DENND4A: variants seen among roughly 807,000 people sequenced by gnomAD.
The protein encoded by DENND4A is DENN domain containing 4A.
In DENND4A, 70 loss-of-function variants were observed where a neutral mutation model predicts 199.3. The observed-to-expected ratio is 0.35, with a 90% CI of 0.29 to 0.43. DENND4A has a LOEUF of 0.43. Ranked by LOEUF, DENND4A falls within the 20% of genes least tolerant of loss-of-function variation. The pLI is 1.00. For synonymous variants in DENND4A, 686 were observed against 766.9 expected, an observed-to-expected ratio of 0.89 and a Z score of 1.74; for missense variants, 1,723 against 2,255.8, an observed-to-expected ratio of 0.76 and a Z score of 4.78.
At chr15:65,721,291 T>A (rs1333655243) in intron 12 of DENND4A, among the ~76,000 whole-genome samples, 2 of 152,000 alleles carry the variant, frequency 1.3e-5, no homozygotes, top group Admixed American at 1.3e-4. Context: ...AATATCCCAA[T>A]ACTTATGAGC....
intron 24 of DENND4A, 113 bp downstream of exon 24, chr15:65,676,332 A>G: frequency 6.1e-6 from 6 of 986,510 alleles, no homozygotes; most frequent in Non-Finnish European, 8.4e-6. Flanking sequence ...GAACTATACA[A>G]ATTGTTTACA....
chr15:65,691,988 A>C (rs2076987915), intron 22 of DENND4A, among the ~76,000 whole-genome samples: 1 of 138,484 alleles, frequency 7.2e-6, no homozygotes. Context: ...AATTTGCTAG[A>C]CACAGGATCT....
intron 14 of DENND4A, among the ~76,000 whole-genome samples, 191 bp from the exon 15 acceptor site, chr15:65,706,415 A>G (rs1052098602): frequency 4.0e-5 from 6 of 151,278 alleles, no homozygotes; most frequent in Admixed American, 6.6e-5. Context: ...TGTAAATAGT[A>G]TATTACCTTT....
At chr15:65,720,947 T>TATTATATATATATATATATA (rs1555425654) in intron 12 of DENND4A, among the ~76,000 whole-genome samples, 42 of 76,200 alleles carry the variant, frequency 5.5e-4, no homozygotes, top group Non-Finnish European at 9.4e-4. Context: ...GTTTCATTGA[T>TATTATATATATATATATATA]TATATATATA....
intron 14 of DENND4A, among the ~76,000 whole-genome samples, chr15:65,714,254 A>G (rs898880944): frequency 6.6e-6 from 1 of 151,962 alleles, no homozygotes; most frequent in African/African-American, 2.4e-5. Context: ...TACTAAAAAA[A>G]TACAAAAAAA....
chr15:65,757,284 T>G, intron 2 of DENND4A, among the ~76,000 whole-genome samples: 1 of 148,790 alleles, frequency 6.7e-6, no homozygotes. Flanking sequence ...GGTCTCACTA[T>G]GTTGCCCAGG....
chr15:65,698,058 C>A (rs558087582), intron 20 of DENND4A, among the ~76,000 whole-genome samples: 1 of 151,844 alleles, frequency 6.6e-6, no homozygotes, highest in Non-Finnish European at 1.5e-5. Context: ...TTGAGACCAG[C>A]CTGGGCAACA....
Position 65,789,288 on chromosome 15 carries a change from G to A in DENND4A, c.-102+2722C>T, listed in dbSNP as rs370988041. ...TGCAGTCTCAAACTCCTGGGCTCAC[G>A]GGATCCTCCTGCCTTGGCCTCCCAA... On this transcript the variant is annotated intron_variant, in intron 1 of 32. Transcript: ENST00000443035. Among the ~76,000 whole-genome samples, 24 of 152,216 alleles carry A rather than the reference G, an allele frequency of 1.6e-4. No individual in the cohort carries two copies. In the South Asian group the frequency reaches 4.4e-3, roughly 28 times the overall value.
chr15:65,690,209 T>C (rs2076924179), intron 23 of DENND4A, among the ~76,000 whole-genome samples: 1 of 152,230 alleles, frequency 6.6e-6, no homozygotes, highest in Non-Finnish European at 1.5e-5. Context: ...CTTTCAAAAC[T>C]GAACTACAAA....
In DENND4A at chr15:65,729,167, A is replaced by G; in HGVS notation, c.1392T>C (p.Cys464=). Residue 464 remains cysteine (C), a synonymous_variant, in exon 11 of 33, where the codon TGT becomes TGC. Coordinates refer to ENST00000443035, the MANE Select transcript of DENND4A (RefSeq NM_001320835.1). ...LALADVLSAP[C]PFIVGIDSRY... ...TTGAATCAATCCCTACTATGAATGGACATGGTGCACTCAAGACATCTGCTA... is the reference window on the plus strand; with the variant it reads ...TTGAATCAATCCCTACTATGAATGGGCATGGTGCACTCAAGACATCTGCTA... 6.3e-7 allele frequency: 1 copy of G among 1,590,146 alleles called. No individual in the cohort carries two copies. Among genetic ancestry groups the G allele is most frequent in the South Asian group, 1.1e-5 (1 of 87,060 alleles).
In DENND4A at chr15:65,737,699, T is replaced by G; in HGVS notation, c.1040+8A>C. The G allele has an allele frequency of 1.3e-6, 2 of 1,560,628 alleles. No homozygotes were observed. Among genetic ancestry groups the G allele is most frequent in the Non-Finnish European group, 1.7e-6 (2 of 1,152,356 alleles). ...TGTCAAATGTTGAACCAAGAACACT[T>G]AACTTACTTCTCAATTGGAAGGACA... On this transcript the variant is annotated splice_region_variant and intron_variant, in intron 7 of 32. Transcript: ENST00000443035.
chr15:65,791,985 C>T (rs2077745137), intron 1 of DENND4A, 25 bp downstream of exon 1: 1 of 152,224 alleles, frequency 6.6e-6, no homozygotes, highest in Admixed American at 6.5e-5. Flanking sequence ...GCCACCGCTG[C>T]CCGGGTCGCC....
At chr15:65,718,112 C>T (rs1380326297) in intron 12 of DENND4A, 116 bp from the exon 13 acceptor site, 10 of 742,778 alleles carry the variant, frequency 1.3e-5, no homozygotes, top group Non-Finnish European at 2.1e-5. Context: ...TCTTTGTTTA[C>T]ATAACTTAAT....
chr15:65,790,866 A>G (rs1208119646), intron 1 of DENND4A, among the ~76,000 whole-genome samples: 1 of 152,174 alleles, frequency 6.6e-6, no homozygotes, highest in Non-Finnish European at 1.5e-5. Context: ...ATACTTCTTA[A>G]AATAATCCCA....
chr15:65,727,513 G>C (rs2140359087), intron 11 of DENND4A, among the ~76,000 whole-genome samples: 1 of 150,770 alleles, frequency 6.6e-6, no homozygotes, highest in Non-Finnish European at 1.5e-5. Context: ...TGTAGTCCTA[G>C]CTACCTGGGA....
chr15:65,668,706 A>G (rs1400737884), intron 27 of DENND4A, among the ~76,000 whole-genome samples: 1 of 152,072 alleles, frequency 6.6e-6, no homozygotes, highest in Non-Finnish European at 1.5e-5. Context: ...CTGTAATCCC[A>G]GCTACTTGGG....
intron 18 of DENND4A, 56 bp from the exon 19 acceptor site, chr15:65,701,248 T>C (rs1345713309): frequency 4.2e-5 from 57 of 1,368,450 alleles, no homozygotes; most frequent in Middle Eastern, 4.9e-4. Context: ...AGTGAACATA[T>C]ATTGGTTTCA....
At chr15:65,772,274 T>C (rs2077154611) in intron 1 of DENND4A, 3 of 546,056 alleles carry the variant, frequency 5.5e-6, no homozygotes, top group Non-Finnish European at 9.7e-6. Context: ...CAAATATTTA[T>C]TGAATACTGA....
At position 65,732,763 on chromosome 15, in the gene DENND4A, T is replaced by C. The variant is rs1365398888; in HGVS notation, c.1096A>G (p.Ile366Val). 6.2e-7 allele frequency: 1 copy of C among 1,600,526 alleles called. No homozygotes were observed. The highest frequency in any genetic ancestry group is 8.5e-7 in the Non-Finnish European group (1 of 1,169,630). Reference sequence around the variant, plus strand: ...CAAAAAAACCTTACCTGAACTAAAATCCGTGGTCTCTGAGGAGATGGAAAA... The same window carrying C: ...CAAAAAAACCTTACCTGAACTAAAACCCGTGGTCTCTGAGGAGATGGAAAA... ...VPFPSPQRPR[I>V]LVQLSPHDNL... is the part of the protein sequence containing the mutation. The change falls in exon 8 of 33, where the codon ATT becomes GTT. Residue 366 changes from isoleucine to valine, a missense_variant. This residue lies in a region of DENND4A where 725 missense variants were observed against 952.9 expected (regional missense o/e 0.76). Coordinates refer to ENST00000443035, the MANE Select transcript of DENND4A (RefSeq NM_001320835.1).
Sources: allele counts gnomAD v4.1 joint callset (sites outside exome capture counted in the v4.1 genomes callset), GRCh38; gene constraint gnomAD v4.1.1; regional missense constraint gnomAD v4.1.1; transcripts MANE v1.5; gene names NCBI Gene and HGNC (gene_info 2026-07-23, HGNC 2026-07-21).